NHS: variants seen among roughly 807,000 people sequenced by gnomAD.
NHS encodes actin remodeling regulator NHS.
Under a neutral mutation model 72.5 loss-of-function variants are expected in NHS, and 5 were observed. The ratio of observed to expected loss-of-function variants is 0.07; its 90% CI spans 0.04 to 0.14. The LOEUF (loss-of-function observed/expected upper bound fraction) is 0.14, where lower values mean the gene tolerates loss of function less well. Ranked by LOEUF, NHS falls within the 10% of genes least tolerant of loss-of-function variation. The probability of loss-of-function intolerance (pLI) is 1.00; values close to 1 mark genes in which losing one functional copy is unlikely to be tolerated. For synonymous variants in NHS, 464 were observed against 547.7 expected, an observed-to-expected ratio of 0.85 and a Z score of 2.13; for missense variants, 1,072 against 1,355.7, an observed-to-expected ratio of 0.79 and a Z score of 3.29.
chrX:17,640,989 G>A (rs912788471), intron 1 of NHS, among the ~76,000 whole-genome samples: 2 of 112,472 alleles, frequency 1.8e-5, no homozygotes, highest in African/African-American at 6.5e-5. Context: ...AACCACTTGG[G>A]AGAATTAAGA....
chrX:17,714,904 T>C (rs183663832), intron 3 of NHS, among the ~76,000 whole-genome samples: 1 of 112,526 alleles, frequency 8.9e-6, no homozygotes, highest in African/African-American at 3.2e-5. Context: ...AAAAAATATA[T>C]ACTGTGAACT....
chrX:17,627,806 A>G (rs922775670), intron 1 of NHS, among the ~76,000 whole-genome samples: 3 of 112,225 alleles, frequency 2.7e-5, no homozygotes, highest in Non-Finnish European at 5.6e-5. Flanking sequence ...AGAAAACCCC[A>G]TGGTTTCTCC....
chrX:17,668,088 TAA>T (rs3077323), intron 1 of NHS, among the ~76,000 whole-genome samples: 6,123 of 63,527 alleles, frequency 0.096, 696 homozygotes, highest in African/African-American at 0.3. Flanking sequence ...CCCATCTCTC[TAA>T]AAAAAAAAAA....
At chrX:17,632,763 A>G (rs1021290503) in intron 1 of NHS, among the ~76,000 whole-genome samples, 1 of 112,076 alleles carries the variant, frequency 8.9e-6, no homozygotes, top group Non-Finnish European at 1.9e-5. Context: ...AAGTGCAATT[A>G]CTGGCATATC....
At position 17,627,652 on chromosome X, in the gene NHS, GTC is replaced by G. The variant is rs967276577; in HGVS notation, c.566-60084_566-60083del. Among the ~76,000 whole-genome samples, 17 of 112,481 alleles carry G rather than the reference GTC, an allele frequency of 1.5e-4. 1 individual carries two copies. The highest frequency in any genetic ancestry group is 3.8e-5 in the Non-Finnish European group (2 of 53,314). On this transcript the variant is annotated intron_variant, in intron 1 of 8. Transcript: ENST00000676302. ...GGGACCTCAGTGATCATCTAATGCT[GTC>G]TCTCTTTTCCTGAATGGTCTTGCTC...
At chrX:17,519,578 C>T (rs949617746) in intron 1 of NHS, among the ~76,000 whole-genome samples, 1 of 111,597 alleles carries the variant, frequency 9.0e-6, no homozygotes, top group African/African-American at 3.3e-5. Context: ...CACTTGCACA[C>T]GCACACCATC....
chrX:17,528,154 G>C (rs1191231326), intron 1 of NHS, among the ~76,000 whole-genome samples: 1 of 111,637 alleles, frequency 9.0e-6, no homozygotes, highest in Non-Finnish European at 1.9e-5. Flanking sequence ...AGACATTTTT[G>C]GTTGCCACAA....
chrX:17,691,393 G>C (rs2066194536), intron 2 of NHS, among the ~76,000 whole-genome samples: 1 of 112,200 alleles, frequency 8.9e-6, no homozygotes, highest in South Asian at 3.7e-4. Context: ...ATTGACTTTG[G>C]AGGCAGTTTA....
chrX:17,476,535 C>T (rs2064918783), intron 1 of NHS, among the ~76,000 whole-genome samples: 1 of 111,315 alleles, frequency 9.0e-6, no homozygotes, highest in African/African-American at 3.3e-5. Flanking sequence ...TTGGTTCCCC[C>T]AGACACAGAT....
chrX:17,570,354 G>A (rs1037716804), intron 1 of NHS, among the ~76,000 whole-genome samples: 1 of 112,001 alleles, frequency 8.9e-6, no homozygotes, highest in Non-Finnish European at 1.9e-5. Flanking sequence ...TTGAGCAGTG[G>A]TTTGTAGTTC....
chrX:17,695,332 C>T (rs2066221642), intron 3 of NHS, among the ~76,000 whole-genome samples: 1 of 111,850 alleles, frequency 8.9e-6, no homozygotes. Context: ...AAATGTCTAA[C>T]AATAGGGACT....
chrX:17,611,450 C>T (rs1346533670), intron 1 of NHS, among the ~76,000 whole-genome samples: 3 of 111,925 alleles, frequency 2.7e-5, no homozygotes, highest in Non-Finnish European at 5.6e-5. Context: ...GCTTTTAGCC[C>T]TCCCCCTACG....
At chrX:17,451,632 G>C (rs1466970735) in intron 1 of NHS, among the ~76,000 whole-genome samples, 1 of 111,860 alleles carries the variant, frequency 8.9e-6, no homozygotes, top group Non-Finnish European at 1.9e-5. Flanking sequence ...TTTAGATATA[G>C]GTCAGCTGAC....
At chrX:17,436,612 TAA>T (rs758191311) in intron 1 of NHS, among the ~76,000 whole-genome samples, 42 of 85,680 alleles carry the variant, frequency 4.9e-4, no homozygotes, top group Admixed American at 9.2e-4. Flanking sequence ...ATATTTAGGC[TAA>T]AAAAAAAAAA....
chrX:17,602,857 T>A (rs1166203179), intron 1 of NHS, among the ~76,000 whole-genome samples: 4 of 101,606 alleles, frequency 3.9e-5, no homozygotes, highest in Non-Finnish European at 8.0e-5. Flanking sequence ...TTTTTTTTTT[T>A]AAAGACGGGG....
intron 1 of NHS, among the ~76,000 whole-genome samples, chrX:17,488,660 G>A (rs1224408157): frequency 8.9e-6 from 1 of 111,930 alleles, no homozygotes; most frequent in Non-Finnish European, 1.9e-5. Context: ...TTGTGATATA[G>A]TAAAATATGT....
intron 1 of NHS, among the ~76,000 whole-genome samples, chrX:17,518,951 G>A (rs1456391792): frequency 8.9e-6 from 1 of 112,062 alleles, no homozygotes; most frequent in African/African-American, 3.2e-5. Context: ...TTTTGCCCAA[G>A]TTACTGTATT....
At chrX:17,513,967 A>T in intron 1 of NHS, among the ~76,000 whole-genome samples, 1 of 112,185 alleles carries the variant, frequency 8.9e-6, no homozygotes, top group South Asian at 3.7e-4. Flanking sequence ...AGGCCTCACA[A>T]TCATGGCAGA....
chrX:17,632,820 C>T (rs1201663426), intron 1 of NHS, among the ~76,000 whole-genome samples: 1 of 111,551 alleles, frequency 9.0e-6, no homozygotes, highest in Non-Finnish European at 1.9e-5. Context: ...ATTGTTGTTG[C>T]TATTATTGTT....
Sources: gnomAD v4.1 joint callset for allele counts (sites outside exome capture counted in the v4.1 genomes callset) on GRCh38, gnomAD v4.1.1 for gene constraint, MANE v1.5 for transcripts, NCBI Gene and HGNC (gene_info 2026-07-23, HGNC 2026-07-21) for gene names.